The following BRD10 variants were observed in gnomAD, a reference collection of about 807,000 sequenced individuals.
BRD10 encodes the protein bromodomain containing 10, also known as uncharacterized bromodomain-containing protein 10.
At chr9:5,921,845 T>G in the BRD10 span, 1 of 1,614,022 alleles carries the variant, frequency 6.2e-7, no homozygotes, top group Non-Finnish European at 8.5e-7. Flanking sequence ...ATCTATCACG[T>G]GGCCCAAATC....
chr9:5,921,216 G>C, the BRD10 span: 3 of 1,613,814 alleles, frequency 1.9e-6, no homozygotes, highest in South Asian at 3.3e-5. Flanking sequence ...TTAATTGATG[G>C]TATAGCTGGC....
chr9:5,906,473 T>C, the BRD10 span, among the ~76,000 whole-genome samples: 1 of 152,262 alleles, frequency 6.6e-6, no homozygotes. Flanking sequence ...CTTCAAAAGT[T>C]TCCTGCAAGG....
the BRD10 span, chr9:5,968,241 G>A: frequency 1.2e-6 from 2 of 1,612,224 alleles, no homozygotes; most frequent in South Asian, 2.2e-5. Flanking sequence ...TGCTCTAATA[G>A]AATATCCCTT....
At chr9:5,885,275 C>T in the BRD10 span, among the ~76,000 whole-genome samples, 2 of 152,236 alleles carry the variant, frequency 1.3e-5, no homozygotes, top group African/African-American at 4.8e-5. Flanking sequence ...GACTGGGCAC[C>T]CCCTCCGAAC....
chr9:5,926,624 T>C, the BRD10 span, among the ~76,000 whole-genome samples: 6 of 151,980 alleles, frequency 3.9e-5, no homozygotes, highest in Non-Finnish European at 1.5e-5. Flanking sequence ...CTCCGCCTCC[T>C]GGGTTCATGC....
At chr9:5,932,575 G>A in the BRD10 span, among the ~76,000 whole-genome samples, 1 of 152,138 alleles carries the variant, frequency 6.6e-6, no homozygotes, top group Non-Finnish European at 1.5e-5. Flanking sequence ...AAGTCTACAG[G>A]AGGATGTGTG....
At chr9:5,968,028 GCTT>G in the BRD10 span, 1 of 1,513,176 alleles carries the variant, frequency 6.6e-7, no homozygotes, top group Non-Finnish European at 8.8e-7. Flanking sequence ...CCAGATTTGT[GCTT>G]CTTGTGTTTT....
At chr9:6,003,454 T>C in the BRD10 span, among the ~76,000 whole-genome samples, 92 of 152,362 alleles carry the variant, frequency 6.0e-4, no homozygotes, top group East Asian at 0.017. Flanking sequence ...TTTCTAATGT[T>C]AATTGCTATT....
chr9:5,984,608 C>A, the BRD10 span, among the ~76,000 whole-genome samples: 1 of 152,058 alleles, frequency 6.6e-6, no homozygotes, highest in African/African-American at 2.4e-5. Flanking sequence ...AGCACAGTTT[C>A]AAATTACATG....
the BRD10 span, among the ~76,000 whole-genome samples, chr9:5,915,549 C>T: frequency 6.6e-6 from 1 of 152,138 alleles, no homozygotes; most frequent in Non-Finnish European, 1.5e-5. Context: ...GTCCTCTTAA[C>T]CTATAGCATT....
the BRD10 span, chr9:5,988,545 C>A: frequency 1.9e-6 from 3 of 1,611,594 alleles, no homozygotes; most frequent in Non-Finnish European, 2.5e-6. Context: ...CTCTCAAGTG[C>A]CTTGGAGAAG....
the BRD10 span, among the ~76,000 whole-genome samples, chr9:5,988,790 T>C: frequency 2.0e-5 from 3 of 152,168 alleles, no homozygotes; most frequent in Non-Finnish European, 4.4e-5. Flanking sequence ...ATTTAAAATA[T>C]TGACTAAAGC....
the BRD10 span, chr9:5,908,488 C>T: frequency 5.7e-6 from 4 of 696,852 alleles, no homozygotes; most frequent in Admixed American, 2.7e-5. Context: ...TGAAATTTAA[C>T]AATTACTTCA....
the BRD10 span, chr9:5,922,542 C>A: frequency 6.2e-7 from 1 of 1,613,980 alleles, no homozygotes; most frequent in Non-Finnish European, 8.5e-7. Flanking sequence ...TTGACAAAAA[C>A]TGATGCTAAA....
the BRD10 span, among the ~76,000 whole-genome samples, chr9:5,943,943 TCTC>T: frequency 6.6e-6 from 1 of 152,134 alleles, no homozygotes; most frequent in African/African-American, 2.4e-5. Flanking sequence ...GGTACTGCAA[TCTC>T]CTCCTTTCAG....
At chr9:5,986,954 T>A in the BRD10 span, among the ~76,000 whole-genome samples, 5 of 152,206 alleles carry the variant, frequency 3.3e-5, no homozygotes, top group Non-Finnish European at 1.5e-5. Context: ...TCTTTGCTAG[T>A]TTTACCATTT....
the BRD10 span, chr9:5,897,951 C>A: frequency 3.4e-6 from 1 of 297,480 alleles, no homozygotes; most frequent in Non-Finnish European, 6.5e-6. Context: ...AGGCTGGGAA[C>A]TCCAAGATCT....
chr9:5,947,493 T>C, the BRD10 span, among the ~76,000 whole-genome samples: 2 of 152,128 alleles, frequency 1.3e-5, no homozygotes, highest in Non-Finnish European at 2.9e-5. Context: ...TTTCTTAAAA[T>C]ATTTTTAGCT....
the BRD10 span, among the ~76,000 whole-genome samples, chr9:5,958,938 G>A: frequency 4.3e-4 from 65 of 152,186 alleles, no homozygotes; most frequent in Non-Finnish European, 7.5e-4. Flanking sequence ...GGAGTTTCTG[G>A]AGTGTTCTAT....
Sources: gnomAD v4.1 joint callset for allele counts (sites outside exome capture counted in the v4.1 genomes callset) on GRCh38, gnomAD v4.1.1 for gene constraint, MANE v1.5 for transcripts, NCBI Gene and HGNC (gene_info 2026-07-23, HGNC 2026-07-21) for gene names.